RPS6KA3: variants seen among roughly 807,000 people sequenced by gnomAD.
The protein encoded by RPS6KA3 is ribosomal protein S6 kinase A3.
A neutral mutation model predicts 67.2 loss-of-function variants in RPS6KA3; 4 were observed. That is an observed-to-expected ratio of 0.06 (90% CI 0.03 to 0.14). The LOEUF is 0.14. RPS6KA3 is among the 10% of genes least tolerant of loss of function. The pLI, the probability that RPS6KA3 is intolerant of heterozygous loss-of-function variation, is 1.00. For missense variants in RPS6KA3, 204 were observed against 559.0 expected, an observed-to-expected ratio of 0.36 and a Z score of 6.40; for synonymous variants, 182 against 183.7, an observed-to-expected ratio of 0.99 and a Z score of 0.07.
At chrX:20,226,870 C>T (rs1382956358) in intron 2 of RPS6KA3, among the ~76,000 whole-genome samples, 1 of 111,795 alleles carries the variant, frequency 8.9e-6, no homozygotes, top group African/African-American at 3.3e-5. Flanking sequence ...GATGACTTGG[C>T]ACTCATATCA....
chrX:20,230,683 T>C (rs1377113793), intron 2 of RPS6KA3, among the ~76,000 whole-genome samples: 1 of 111,467 alleles, frequency 9.0e-6, no homozygotes, highest in African/African-American at 3.3e-5. Context: ...AAAGGAACCA[T>C]AAAACTATGG....
chrX:20,172,720 T>C (rs1210715556), intron 15 of RPS6KA3, 26 bp downstream of exon 15: 9 of 1,144,218 alleles, frequency 7.9e-6, no homozygotes, highest in Middle Eastern at 2.6e-4. Flanking sequence ...ACTGTATGAA[T>C]TGCATTTTAA....
intron 1 of RPS6KA3, among the ~76,000 whole-genome samples, chrX:20,237,857 C>G (rs1246080073): frequency 9.0e-6 from 1 of 111,465 alleles, no homozygotes; most frequent in Non-Finnish European, 1.9e-5. Context: ...TCCATTCTTA[C>G]TTACGCTTCA....
intron 9 of RPS6KA3, 66 bp downstream of exon 9, chrX:20,187,762 C>G: frequency 2.1e-6 from 2 of 930,707 alleles, no homozygotes. Flanking sequence ...GTTTCTTTAA[C>G]ATTCACTGCT....
At chrX:20,160,725 G>A (rs952191666) in intron 20 of RPS6KA3, among the ~76,000 whole-genome samples, 1 of 111,661 alleles carries the variant, frequency 9.0e-6, no homozygotes, top group Non-Finnish European at 1.9e-5. Flanking sequence ...CACCACGCCC[G>A]GCCAACATTT....
chrX:20,188,850 C>A (rs1603425521), intron 7 of RPS6KA3, among the ~76,000 whole-genome samples: 1 of 112,864 alleles, frequency 8.9e-6, no homozygotes, highest in Middle Eastern at 4.6e-3. Flanking sequence ...TTTGACTAAA[C>A]CCCCTAGTGC....
chrX:20,240,219 G>T (rs2069514944), intron 1 of RPS6KA3, among the ~76,000 whole-genome samples: 3 of 95,844 alleles, frequency 3.1e-5, no homozygotes, highest in African/African-American at 1.2e-4. Flanking sequence ...AAGAGGAAAA[G>T]AAAAGATCCA....
At chrX:20,249,955 T>TA (rs1057223762) in intron 1 of RPS6KA3, among the ~76,000 whole-genome samples, 1 of 112,235 alleles carries the variant, frequency 8.9e-6, no homozygotes, top group Non-Finnish European at 1.9e-5. Flanking sequence ...GGTTGAGACT[T>TA]ATTGTTTTAC....
chrX:20,202,049 G>A (rs933497492), intron 4 of RPS6KA3, among the ~76,000 whole-genome samples: 6 of 99,041 alleles, frequency 6.1e-5, no homozygotes, highest in African/African-American at 2.2e-4. Context: ...GTGCGATCCC[G>A]GCTCACTGCA....
Position 20,165,005 on chromosome X carries a change from T to C in RPS6KA3, c.1658A>G (p.Asn553Ser). The stretch of plus-strand genomic sequence containing the variant: ...ATCACAAATTCGAATAGATTCCGGA[T>C]TACCAGATTCATCCACATAAAGAAT... Reference protein sequence around the residue: ...SNILYVDESGNPESIRICDFG... With the variant: ...SNILYVDESGSPESIRICDFG... Residue 553 changes from asparagine (N) to serine (S), a missense_variant, in exon 18 of 22, where the codon AAT (asparagine) becomes AGT (serine). By Grantham distance (46) the Asn-to-Ser change is conservative. Around this residue, in one of 4 missense-constraint regions of RPS6KA3, gnomAD observed 73 missense variants for 241.1 expected, o/e 0.30. Transcript: ENST00000379565. 8.3e-7 allele frequency: 1 copy of C among 1,204,628 alleles called. No homozygotes were observed. The highest frequency in any genetic ancestry group is 3.0e-5 in the East Asian group (1 of 33,813).
intron 17 of RPS6KA3, among the ~76,000 whole-genome samples, chrX:20,165,906 T>C (rs2067424790): frequency 9.0e-6 from 1 of 111,255 alleles, no homozygotes; most frequent in African/African-American, 3.3e-5. Context: ...TTCCTGAAAT[T>C]GAGGATAATA....
chrX:20,266,587 C>CTA lies in RPS6KA3; in HGVS notation c.45_46insTA (p.Glu16Ter). ...ACCTCAGCGCTGTCGGACGGGCTCT[C>CTA]CACAGCCATCTTCTGCCACGGGTCC... On this transcript the variant is annotated frameshift_variant, in exon 1 of 22. Coordinates refer to ENST00000379565, the MANE Select transcript of RPS6KA3 (RefSeq NM_004586.3). LOFTEE classifies it high-confidence loss of function. The CTA allele has an allele frequency of 8.7e-7, 1 of 1,153,279 alleles. No homozygotes were observed. The highest frequency in any genetic ancestry group is 1.2e-6 in the Non-Finnish European group (1 of 868,882).
chrX:20,156,276 T>G, intron 20 of RPS6KA3, 27 bp from the exon 21 acceptor site: 2 of 1,199,882 alleles, frequency 1.7e-6, no homozygotes, highest in Non-Finnish European at 2.3e-6. Flanking sequence ...AAAACAAGCT[T>G]AAACCTTTTG....
chrX:20,244,225 G>A (rs1184580972), intron 1 of RPS6KA3, among the ~76,000 whole-genome samples: 1 of 111,511 alleles, frequency 9.0e-6, no homozygotes, highest in African/African-American at 3.3e-5. Flanking sequence ...GTGCAGTGGT[G>A]CAATCTTGGC....
chrX:20,246,115 C>A (rs1349817285), intron 1 of RPS6KA3, among the ~76,000 whole-genome samples: 2 of 76,637 alleles, frequency 2.6e-5, no homozygotes, highest in East Asian at 7.1e-4. Context: ...GACTCCATCT[C>A]GGAAAAGAAA....
chrX:20,262,495 A>T (rs181811554), intron 1 of RPS6KA3, among the ~76,000 whole-genome samples: 2 of 112,266 alleles, frequency 1.8e-5, no homozygotes, highest in East Asian at 5.5e-4. Flanking sequence ...ATTAGATAAA[A>T]GTTTTATTAA....
rs2067697129 is a variant in RPS6KA3 at position 20,176,232 on chromosome X, T to A, written c.1102+18A>T. The A allele has an allele frequency of 1.0e-6, 1 of 977,809 alleles. No homozygotes were observed. The highest frequency in any genetic ancestry group is 1.5e-6 in the Non-Finnish European group (1 of 682,359). The allele number at this position is 977,809 out of a possible 1,213,427, so 80.6% of individuals were successfully genotyped here. On this transcript the variant is annotated intron_variant, in intron 13 of 21. Coordinates refer to ENST00000379565, the MANE Select transcript of RPS6KA3 (RefSeq NM_004586.3). ...ATATTTGTTGTCTTATATTTGGATT[T>A]TCACATTTTCTCCTTACCTTTGGGA...
chrX:20,234,739 G>C lies in RPS6KA3; in HGVS notation c.126+19C>G. ...TATTTCATTTATCTATACCCTTTGT[G>C]ATAAAATATTTTACTTACAGTTTGT... On this transcript the variant is annotated intron_variant, in intron 2 of 21. Transcript: ENST00000379565. 3 of 1,065,576 alleles carry C rather than the reference G, an allele frequency of 2.8e-6. No individual in the cohort carries two copies. The highest frequency in any genetic ancestry group is 3.9e-6 in the Non-Finnish European group (3 of 762,379). 87.8% of individuals were successfully genotyped at this position (1,065,576 alleles called of 1,213,427 possible). A position where few individuals can be genotyped will look rare whatever the true frequency, so the allele number is the denominator to read the frequency against.
intron 1 of RPS6KA3, among the ~76,000 whole-genome samples, chrX:20,263,203 T>A (rs2070281553): frequency 8.9e-6 from 1 of 111,836 alleles, no homozygotes; most frequent in Non-Finnish European, 1.9e-5. Context: ...AGATTTACTA[T>A]CATTTATACC....
Sources: gnomAD v4.1 joint callset for allele counts (sites outside exome capture counted in the v4.1 genomes callset) on GRCh38, gnomAD v4.1.1 for gene constraint, gnomAD v4.1.1 regional missense constraint, MANE v1.5 for transcripts, NCBI Gene and HGNC (gene_info 2026-07-23, HGNC 2026-07-21) for gene names.